LOC112694756: variants seen among roughly 807,000 people sequenced by gnomAD.
the LOC112694756 span, among the ~76,000 whole-genome samples, chr16:30,054,191 G>A: frequency 2.0e-5 from 3 of 151,856 alleles, no homozygotes; most frequent in African/African-American, 7.2e-5. Context: ...GTCGTGGCGC[G>A]CACCTGTAAT....
chr16:30,061,752 G>T, the LOC112694756 span, among the ~76,000 whole-genome samples: 4 of 150,802 alleles, frequency 2.7e-5, no homozygotes, highest in Non-Finnish European at 5.9e-5. Flanking sequence ...TAGAGAAGAG[G>T]TTTCGCCATG....
At chr16:30,059,095 C>G in the LOC112694756 span, 2 of 398,186 alleles carry the variant, frequency 5.0e-6, no homozygotes, top group Non-Finnish European at 8.9e-6. Flanking sequence ...AGGCCCCACA[C>G]TGAGGTCTGG....
the LOC112694756 span, chr16:30,069,189 T>C: frequency 1.4e-6 from 2 of 1,380,982 alleles, no homozygotes; most frequent in South Asian, 1.2e-5. Flanking sequence ...ATCTGAGGGC[T>C]TTGAAGCCTG....
the LOC112694756 span, chr16:30,067,996 G>A: frequency 3.0e-6 from 1 of 333,228 alleles, no homozygotes; most frequent in Non-Finnish European, 5.6e-6. Context: ...GTTACTAAGT[G>A]AACTAAGTGA....
the LOC112694756 span, chr16:30,055,375 T>G: frequency 2.5e-6 from 1 of 399,002 alleles, no homozygotes; most frequent in Non-Finnish European, 4.4e-6. Context: ...GATCTAGGTA[T>G]GATCGGTGCA....
At chr16:30,063,242 G>C in the LOC112694756 span, among the ~76,000 whole-genome samples, 6 of 152,152 alleles carry the variant, frequency 3.9e-5, no homozygotes, top group South Asian at 2.1e-4. Flanking sequence ...GTTGCACAGA[G>C]TAGATGCTCA....
chr16:30,067,966 G>T, the LOC112694756 span: 2 of 457,718 alleles, frequency 4.4e-6, no homozygotes, highest in Non-Finnish European at 8.0e-6. Flanking sequence ...ACATCCCAGT[G>T]TATCCTGTCT....
At chr16:30,058,010 C>T in the LOC112694756 span, among the ~76,000 whole-genome samples, 1 of 152,098 alleles carries the variant, frequency 6.6e-6, no homozygotes, top group Admixed American at 6.6e-5. Flanking sequence ...GCCCCCTGTC[C>T]TGGGGATGCC....
chr16:30,070,280 C>A, the LOC112694756 span: 1 of 1,490,016 alleles, frequency 6.7e-7, no homozygotes, highest in Non-Finnish European at 9.4e-7. Context: ...AAGAGGAGGC[C>A]GCCTCCTCGG....
chr16:30,069,365 G>A, the LOC112694756 span: 1 of 1,614,178 alleles, frequency 6.2e-7, no homozygotes, highest in Admixed American at 1.7e-5. Context: ...ATGACTTGAA[G>A]CGCTGCCAGT....
chr16:30,067,069 G>T, the LOC112694756 span: 5 of 1,572,928 alleles, frequency 3.2e-6, no homozygotes, highest in Non-Finnish European at 4.3e-6. Flanking sequence ...AAGGGAAGTT[G>T]GGCGTAAGAG....
chr16:30,070,264 CT>C, the LOC112694756 span: 1 of 1,581,022 alleles, frequency 6.3e-7, no homozygotes. Context: ...CCCCCTCCCA[CT>C]CTTGAAGAGG....
chr16:30,066,360 C>G, the LOC112694756 span: 2 of 153,094 alleles, frequency 1.3e-5, no homozygotes, highest in Non-Finnish European at 2.9e-5. Flanking sequence ...GCTTGATGCC[C>G]CCTTAACACT....
At chr16:30,068,764 G>C in the LOC112694756 span, 18 of 1,614,104 alleles carry the variant, frequency 1.1e-5, no homozygotes, top group Non-Finnish European at 1.5e-5. Context: ...GCTGGGAGGA[G>C]TGGAAACCAC....
chr16:30,069,468 C>G, the LOC112694756 span: 3 of 1,614,096 alleles, frequency 1.9e-6, no homozygotes, highest in Non-Finnish European at 2.5e-6. Context: ...TCCTCCACCC[C>G]ACTACCCACC....
chr16:30,055,187 G>A, the LOC112694756 span: 4 of 399,176 alleles, frequency 1.0e-5, no homozygotes, highest in Non-Finnish European at 1.8e-5. Context: ...GGGCTGCTGC[G>A]CGGACGGTAG....
At chr16:30,063,604 T>C in the LOC112694756 span, 1 of 398,102 alleles carries the variant, frequency 2.5e-6, no homozygotes, top group East Asian at 3.6e-5. Flanking sequence ...CTGGGAATGA[T>C]GGACAGTACC....
chr16:30,070,146 C>T, the LOC112694756 span: 2 of 1,614,122 alleles, frequency 1.2e-6, no homozygotes, highest in Non-Finnish European at 1.7e-6. Context: ...AAGGAAAGTA[C>T]ACTCCGAGCG....
chr16:30,058,444 G>C, the LOC112694756 span, among the ~76,000 whole-genome samples: 1 of 152,016 alleles, frequency 6.6e-6, no homozygotes, highest in Non-Finnish European at 1.5e-5. Context: ...CCTTACTGAG[G>C]GAGAAACATG....
Sources: allele counts gnomAD v4.1 joint callset (sites outside exome capture counted in the v4.1 genomes callset), GRCh38; gene constraint gnomAD v4.1.1; transcripts MANE v1.5.